Variants in YPEL2 observed in about 807,000 individuals in gnomAD.
YPEL2 encodes the protein yippee like 2, also known as protein yippee-like 2.
YPEL2 carries 2 observed loss-of-function variants against 19.1 expected under a neutral mutation model. The ratio of observed to expected loss-of-function variants is 0.10; its 90% CI spans 0.04 to 0.33. The LOEUF is 0.33. Among genes scored for constraint, YPEL2 ranks in the 10% least tolerant of loss-of-function variants. The pLI, the probability that YPEL2 is intolerant of heterozygous loss-of-function variation, is 1.00. For synonymous variants in YPEL2, 52 were observed against 50.0 expected, an observed-to-expected ratio of 1.04 and a Z score of -0.17; for missense variants, 66 against 140.7, an observed-to-expected ratio of 0.47 and a Z score of 2.68.
intron 2 of YPEL2, among the ~76,000 whole-genome samples, chr17:59,367,938 A>G (rs1218626051): frequency 6.6e-6 from 1 of 152,104 alleles, no homozygotes; most frequent in Non-Finnish European, 1.5e-5. Context: ...GGGTCAAGCC[A>G]CCTCTGCTCC....
chr17:59,397,816 G>C lies in YPEL2; in HGVS notation c.*626G>C, dbSNP rs2048048507. ...TGTGGCCCTGATTCTAGTTGGTGGG[G>C]CAAGGGCCTGGTTCTCCTGGGCTGA... is the stretch of plus-strand genomic sequence containing the variant. On this transcript the variant is annotated 3_prime_UTR_variant, in exon 5 of 5. Transcript: ENST00000312655. The C allele has an allele frequency of 6.6e-6, 1 of 152,478 alleles. No homozygotes were observed. The highest frequency in any genetic ancestry group is 6.5e-5 in the Admixed American group (1 of 15,290). The allele number at this position is 152,478 out of a possible 1,614,324, so 9.4% of individuals were successfully genotyped here.
intron 2 of YPEL2, among the ~76,000 whole-genome samples, chr17:59,358,526 C>T (rs1053804668): frequency 2.0e-5 from 3 of 152,024 alleles, no homozygotes; most frequent in South Asian, 4.1e-4. Flanking sequence ...TCTGACCCAT[C>T]CTGTCCACTC....
At chr17:59,370,932 C>CTTTATTGT (rs1461202742) in intron 2 of YPEL2, among the ~76,000 whole-genome samples, 4 of 152,088 alleles carry the variant, frequency 2.6e-5, no homozygotes, top group Admixed American at 2.6e-4. Context: ...TGCAGTGGCC[C>CTTTATTGT]TTTTTTGTTT....
At chr17:59,394,444 CT>C (rs2048027466) in intron 4 of YPEL2, among the ~76,000 whole-genome samples, 10 of 151,238 alleles carry the variant, frequency 6.6e-5, no homozygotes, top group Admixed American at 6.6e-4. Context: ...TCCTCACTTC[CT>C]AGATGGGATG....
intron 1 of YPEL2, among the ~76,000 whole-genome samples, chr17:59,342,978 T>C (rs967364109): frequency 6.6e-6 from 1 of 152,134 alleles, no homozygotes; most frequent in African/African-American, 2.4e-5. Flanking sequence ...ATACACAGAC[T>C]GTGTGAAGGG....
In YPEL2 at chr17:59,369,992, T is replaced by C. The variant is rs191745637; in HGVS notation, c.117+16466T>C. On this transcript the variant is annotated intron_variant, in intron 2 of 4. Transcript: ENST00000312655. ...GTTGTCTCCATTTTTAGATGAGGAA[T>C]GTGAGGCTCAGACAGATTGAGTTGA... 3.0e-4 allele frequency among the ~76,000 whole-genome samples: 46 copies of C among 152,350 alleles called. 1 individual carries two copies. In the East Asian group the frequency reaches 8.5e-3, roughly 28 times the overall value.
At chr17:59,394,088 G>A (rs1344395420) in intron 4 of YPEL2, among the ~76,000 whole-genome samples, 7 of 152,106 alleles carry the variant, frequency 4.6e-5, no homozygotes, top group African/African-American at 1.4e-4. Flanking sequence ...CAGTAGGGGC[G>A]GCCGGGCAGA....
intron 2 of YPEL2, among the ~76,000 whole-genome samples, chr17:59,387,977 G>A (rs2047989239): frequency 6.6e-6 from 1 of 152,240 alleles, no homozygotes; most frequent in Non-Finnish European, 1.5e-5. Context: ...GCTGAAATCA[G>A]GTGGGACCAG....
chr17:59,351,671 G>T (rs2047788179), intron 1 of YPEL2, among the ~76,000 whole-genome samples: 1 of 152,194 alleles, frequency 6.6e-6, no homozygotes, highest in South Asian at 2.1e-4. Context: ...TTGCTATAAT[G>T]TTCACTGTAA....
chr17:59,401,698 C>T lies in YPEL2; in HGVS notation c.*4508C>T, dbSNP rs568275127. 6.5e-6 allele frequency: 1 copy of T among 152,742 alleles called. No individual in the cohort carries two copies. Among genetic ancestry groups the T allele is most frequent in the Non-Finnish European group, 1.5e-5 (1 of 68,024 alleles). 9.5% of individuals were successfully genotyped at this position (152,742 alleles called of 1,614,324 possible). ...CATATTTCCAATCTGTGTTGGTGCT[C>T]ATTTGAGAAAATAAAAGTTTTCAAA... On this transcript the variant is annotated 3_prime_UTR_variant, in exon 5 of 5. Transcript: ENST00000312655.
At chr17:59,363,215 C>G (rs2047850552) in intron 2 of YPEL2, 1 of 152,200 alleles carries the variant, frequency 6.6e-6, no homozygotes, top group Middle Eastern at 3.2e-3. Context: ...TCTCAAACTC[C>G]TGACCTCAAG....
intron 1 of YPEL2, among the ~76,000 whole-genome samples, chr17:59,336,132 A>AG (rs2047697722): frequency 6.6e-6 from 1 of 152,258 alleles, no homozygotes; most frequent in Admixed American, 6.5e-5. Context: ...TGAATGACCA[A>AG]GAGAACCAAG....
chr17:59,347,964 C>T (rs2047765198), intron 1 of YPEL2, among the ~76,000 whole-genome samples: 1 of 152,150 alleles, frequency 6.6e-6, no homozygotes, highest in Non-Finnish European at 1.5e-5. Flanking sequence ...TGTTTTTCTC[C>T]CCCATTGGCC....
intron 1 of YPEL2, among the ~76,000 whole-genome samples, chr17:59,336,745 T>G (rs1319056475): frequency 2.0e-5 from 3 of 152,070 alleles, no homozygotes; most frequent in African/African-American, 7.2e-5. Flanking sequence ...ATCCATTGAT[T>G]TGGGAGTGGA....
intron 1 of YPEL2, among the ~76,000 whole-genome samples, chr17:59,346,128 CCT>C (rs908917290): frequency 1.1e-4 from 16 of 152,250 alleles, no homozygotes; most frequent in African/African-American, 3.9e-4. Flanking sequence ...CACAATTCCA[CCT>C]CTCTCTTTTT....
chr17:59,374,138 C>T (rs1297314474), intron 2 of YPEL2, among the ~76,000 whole-genome samples: 1 of 152,160 alleles, frequency 6.6e-6, no homozygotes, highest in Non-Finnish European at 1.5e-5. Flanking sequence ...GCTAAGGACA[C>T]CATCCTAGTT....
intron 2 of YPEL2, among the ~76,000 whole-genome samples, chr17:59,376,605 G>T (rs990791197): frequency 4.6e-5 from 7 of 152,060 alleles, no homozygotes; most frequent in African/African-American, 1.7e-4. Context: ...ATACCCACCT[G>T]GTTTTCGTTG....
At chr17:59,371,643 CAT>C (rs1218398243) in intron 2 of YPEL2, among the ~76,000 whole-genome samples, 1 of 152,192 alleles carries the variant, frequency 6.6e-6, no homozygotes, top group Admixed American at 6.5e-5. Context: ...TGAACTGAGA[CAT>C]AGCCCTGCCG....
Position 59,353,622 on chromosome 17 carries a change from A to C in YPEL2, c.117+96A>C, listed in dbSNP as rs772237811. 2.1e-6 allele frequency: 2 copies of C among 959,966 alleles called. No homozygotes were observed. Among genetic ancestry groups the C allele is most frequent in the African/African-American group, 3.2e-5 (2 of 62,420 alleles). The allele number at this position is 959,966 out of a possible 1,614,324, so 59.5% of individuals were successfully genotyped here. On this transcript the variant is annotated intron_variant, in intron 2 of 4. Transcript: ENST00000312655. This position sits in a 1 kb window ranked among gnomAD's most constrained non-coding sequence, Gnocchi z 4.8. ...TTTACAAGCTCTCAAGAATATTTGTACTCCATCTTTGTACAGGGAGGGCTG... is the reference window on the plus strand; with the variant it reads ...TTTACAAGCTCTCAAGAATATTTGTCCTCCATCTTTGTACAGGGAGGGCTG...
Sources: gnomAD v4.1 joint callset for allele counts (sites outside exome capture counted in the v4.1 genomes callset) on GRCh38, gnomAD v4.1.1 for gene constraint, Gnocchi (gnomAD v3.1) non-coding constraint, MANE v1.5 for transcripts, NCBI Gene and HGNC (gene_info 2026-07-23, HGNC 2026-07-21) for gene names.